Variants in GRIA1 observed in about 807,000 individuals in gnomAD.
GRIA1 encodes the protein glutamate ionotropic receptor AMPA type subunit 1, also known as glutamate receptor 1.
GRIA1 carries 31 observed loss-of-function variants against 99.2 expected under a neutral mutation model. The ratio of observed to expected loss-of-function variants is 0.31; its 90% CI spans 0.23 to 0.42. The LOEUF is 0.42. Ranked by LOEUF, GRIA1 falls within the 10% of genes least tolerant of loss-of-function variation. The pLI, the probability that GRIA1 is intolerant of heterozygous loss-of-function variation, is 1.00. For synonymous variants in GRIA1, 438 were observed against 432.4 expected (o/e 1.01, Z -0.16); for missense variants, 782 against 1,157.5 (o/e 0.68, Z 4.71).
At chr5:153,560,610 G>C (rs529396127) in intron 2 of GRIA1, among the ~76,000 whole-genome samples, 5 of 152,328 alleles carry the variant, frequency 3.3e-5, no homozygotes, top group Non-Finnish European at 5.9e-5. Context: ...CATGTAAGAA[G>C]TGCCTTTGCT....
intron 2 of GRIA1, among the ~76,000 whole-genome samples, chr5:153,538,226 C>T (rs1161605442): frequency 6.6e-6 from 1 of 152,112 alleles, no homozygotes. Context: ...GAATTGTGCT[C>T]CCTTGATCAC....
At chr5:153,675,670 C>A (rs750075945) in intron 6 of GRIA1, among the ~76,000 whole-genome samples, 7 of 152,022 alleles carry the variant, frequency 4.6e-5, no homozygotes, top group Non-Finnish European at 8.8e-5. Flanking sequence ...ACTTCTTATC[C>A]CACTATTCAA....
At position 153,754,262 on chromosome 5, in the gene GRIA1, C is replaced by A. The variant is rs530555860; in HGVS notation, c.1824-10172C>A. Among the ~76,000 whole-genome samples the A allele has an allele frequency of 1.9e-3, 296 of 152,300 alleles. 1 individual carries two copies. The highest frequency in any genetic ancestry group is 1.0e-2 in the South Asian group (48 of 4,818). ...ATTGAAGGTAGGGAGGATTGCCTTG[C>A]CCTCAAGTTCTTATCTTGTGAATCA... On this transcript the variant is annotated intron_variant, in intron 11 of 15. Transcript: ENST00000285900.
intron 2 of GRIA1, among the ~76,000 whole-genome samples, chr5:153,614,535 A>G (rs754067459): frequency 2.0e-5 from 3 of 152,224 alleles, no homozygotes; most frequent in Non-Finnish European, 4.4e-5. Context: ...ACCCAAGATT[A>G]TATGGCTGGA....
intron 12 of GRIA1, among the ~76,000 whole-genome samples, chr5:153,767,882 A>G (rs1763624251): frequency 6.6e-6 from 1 of 152,210 alleles, no homozygotes; most frequent in African/African-American, 2.4e-5. Context: ...CCTGGAGATT[A>G]GATTTTCCTG....
At chr5:153,791,236 A>AC (rs1765282852) in intron 13 of GRIA1, among the ~76,000 whole-genome samples, 1 of 151,084 alleles carries the variant, frequency 6.6e-6, no homozygotes, top group Non-Finnish European at 1.5e-5. Context: ...GGAGTTAGAG[A>AC]CCATCCTGGG....
intron 2 of GRIA1, among the ~76,000 whole-genome samples, chr5:153,505,177 C>T (rs1381677054): frequency 6.6e-6 from 1 of 152,138 alleles, no homozygotes; most frequent in Admixed American, 6.5e-5. Context: ...GGACTGATAT[C>T]CTAAGACTAA....
intron 2 of GRIA1, among the ~76,000 whole-genome samples, chr5:153,588,653 G>C (rs1321671079): frequency 6.6e-6 from 1 of 152,160 alleles, no homozygotes; most frequent in African/African-American, 2.4e-5. Context: ...TGAAATTATA[G>C]TGTAAAGTTT....
At chr5:153,656,706 T>G (rs1225087421) in intron 5 of GRIA1, among the ~76,000 whole-genome samples, 2 of 152,116 alleles carry the variant, frequency 1.3e-5, no homozygotes, top group Non-Finnish European at 2.9e-5. Flanking sequence ...TGAGACATAT[T>G]TTATAAAGCA....
At chr5:153,555,356 C>T (rs557215816) in intron 2 of GRIA1, among the ~76,000 whole-genome samples, 14 of 151,644 alleles carry the variant, frequency 9.2e-5, no homozygotes, top group Non-Finnish European at 1.3e-4. Context: ...TCATTTTTCG[C>T]GCATTCCTAC....
At chr5:153,492,078 T>G in intron 1 of GRIA1, 1 of 1,339,988 alleles carries the variant, frequency 7.5e-7, no homozygotes, top group Admixed American at 2.8e-5. Context: ...GTTTCTAGTC[T>G]CTCTCCCCTG....
In GRIA1 at chr5:153,554,929, C is replaced by T. The variant is rs145878497; in HGVS notation, c.220+60864C>T. Among the ~76,000 whole-genome samples the T allele has an allele frequency of 3.9e-5, 6 of 152,254 alleles. No individual in the cohort carries two copies. In the East Asian group the frequency reaches 9.7e-4, roughly 25 times the overall value. ...GTATAGTGACCATTTTCTCCTGAAT[C>T]AAATACTGCAGCCTTGAAACTAGTT... On this transcript the variant is annotated intron_variant, in intron 2 of 15. Coordinates refer to ENST00000285900, the MANE Select transcript of GRIA1 (RefSeq NM_000827.4).
intron 4 of GRIA1, among the ~76,000 whole-genome samples, chr5:153,654,637 T>TA (rs999316068): frequency 2.3e-4 from 35 of 152,126 alleles, no homozygotes; most frequent in African/African-American, 8.0e-4. Flanking sequence ...ATTCCCCACA[T>TA]AAAAAAACAT....
At chr5:153,564,717 CA>C (rs1761466113) in intron 2 of GRIA1, among the ~76,000 whole-genome samples, 2 of 152,078 alleles carry the variant, frequency 1.3e-5, no homozygotes, top group African/African-American at 4.8e-5. Flanking sequence ...GCTATGTCAA[CA>C]ATGGAAGATG....
At chr5:153,659,622 G>T (rs1241527514) in intron 5 of GRIA1, among the ~76,000 whole-genome samples, 1 of 152,212 alleles carries the variant, frequency 6.6e-6, no homozygotes, top group Non-Finnish European at 1.5e-5. Context: ...GTGGACCTCT[G>T]TAGTGTTTCT....
intron 15 of GRIA1, among the ~76,000 whole-genome samples, chr5:153,809,073 C>G: frequency 6.6e-6 from 1 of 152,250 alleles, no homozygotes; most frequent in South Asian, 2.1e-4. Flanking sequence ...CTTTAGTGGT[C>G]TTTTTTCCTT....
In GRIA1 at chr5:153,802,388, G is replaced by T. The variant is rs1173757419; in HGVS notation, c.2418G>T (p.Val806=). ...DKTSALSLSN[V]AGVFYILIGG... ...CAAGCGCTCTGAGCCTCAGCAATGT[G>T]GCAGGCGTGTTCTACATCCTGATCG... The change falls in exon 15 of 16, where the codon GTG becomes GTT. Residue 806 remains valine, a synonymous_variant. Coordinates refer to ENST00000285900, the MANE Select transcript of GRIA1 (RefSeq NM_000827.4). The T allele has an allele frequency of 3.7e-6, 6 of 1,613,728 alleles. No homozygotes were observed. The highest frequency in any genetic ancestry group is 5.1e-6 in the Non-Finnish European group (6 of 1,179,828).
intron 3 of GRIA1, among the ~76,000 whole-genome samples, chr5:153,650,071 A>T (rs1754440917): frequency 6.6e-6 from 1 of 152,232 alleles, no homozygotes; most frequent in Non-Finnish European, 1.5e-5. Flanking sequence ...GAGGCTAATG[A>T]GCCTGCACAA....
At chr5:153,678,418 A>C (rs1285589467) in intron 7 of GRIA1, among the ~76,000 whole-genome samples, 1 of 152,154 alleles carries the variant, frequency 6.6e-6, no homozygotes, top group Non-Finnish European at 1.5e-5. Flanking sequence ...TACTAGCTAC[A>C]TGAGGAACAT....
Sources: gnomAD v4.1 joint callset for allele counts (sites outside exome capture counted in the v4.1 genomes callset) on GRCh38, gnomAD v4.1.1 for gene constraint, MANE v1.5 for transcripts, NCBI Gene and HGNC (gene_info 2026-07-23, HGNC 2026-07-21) for gene names.